The following ME1 variants were observed in gnomAD, a reference collection of about 807,000 sequenced individuals.
The protein encoded by ME1 is NADP-dependent malic enzyme.
ME1 carries 74 observed loss-of-function variants against 66.4 expected under a neutral mutation model. The observed-to-expected ratio is 1.11, with a 90% CI of 0.92 to 1.35. The LOEUF (loss-of-function observed/expected upper bound fraction) is 1.35. ME1 is among the 40% of genes most tolerant of loss of function. ME1 has a pLI of 0.00. For synonymous variants in ME1, 251 were observed against 235.6 expected (o/e 1.07, Z -0.60); for missense variants, 750 against 694.1 (o/e 1.08, Z -0.90).
intron 3 of ME1, among the ~76,000 whole-genome samples, chr6:83,384,410 C>T (rs1334692320): frequency 6.6e-6 from 1 of 151,734 alleles, no homozygotes; most frequent in Non-Finnish European, 1.5e-5. Context: ...ATTTGCACTT[C>T]TCTGATGATT....
chr6:83,418,226 T>C (rs1417706795), intron 1 of ME1, among the ~76,000 whole-genome samples: 1 of 152,184 alleles, frequency 6.6e-6, no homozygotes, highest in Non-Finnish European at 1.5e-5. Flanking sequence ...AGATTTATTA[T>C]GAGAGAAATA....
At chr6:83,402,934 AAT>A (rs1769864587) in intron 2 of ME1, among the ~76,000 whole-genome samples, 1 of 152,250 alleles carries the variant, frequency 6.6e-6, no homozygotes, top group Admixed American at 6.5e-5. Context: ...TTTTGCTATT[AAT>A]ATGTGTGTAT....
At chr6:83,287,846 C>T (rs1017631066) in intron 6 of ME1, among the ~76,000 whole-genome samples, 2 of 152,204 alleles carry the variant, frequency 1.3e-5, no homozygotes, top group Non-Finnish European at 2.9e-5. Context: ...GATTGCCTTT[C>T]TAACTGGAGT....
chr6:83,233,465 T>C (rs1583331141), intron 9 of ME1, among the ~76,000 whole-genome samples: 5 of 152,200 alleles, frequency 3.3e-5, no homozygotes, highest in Admixed American at 3.3e-4. Flanking sequence ...GCATTAACTC[T>C]TTCCACTGCA....
intron 6 of ME1, among the ~76,000 whole-genome samples, chr6:83,284,732 C>G (rs528304778): frequency 6.6e-6 from 1 of 152,078 alleles, no homozygotes; most frequent in Non-Finnish European, 1.5e-5. Flanking sequence ...GACAAACTTA[C>G]AGCCAACATC....
At chr6:83,421,672 TG>T (rs1770271748) in intron 1 of ME1, among the ~76,000 whole-genome samples, 1 of 152,136 alleles carries the variant, frequency 6.6e-6, no homozygotes. Context: ...TGCAATTGAT[TG>T]TGTACAAAGA....
chr6:83,340,711 A>G (rs1167413345), intron 5 of ME1, among the ~76,000 whole-genome samples: 1 of 151,194 alleles, frequency 6.6e-6, no homozygotes, highest in Non-Finnish European at 1.5e-5. Flanking sequence ...TTTGGATATC[A>G]AGGTTATGCT....
At position 83,216,681 on chromosome 6, in the gene ME1, C is replaced by T. The variant is rs1020012510; in HGVS notation, c.1450-85G>A. The T allele has an allele frequency of 6.0e-6, 5 of 835,538 alleles. No homozygotes were observed. In the African/African-American group the frequency reaches 8.6e-5, roughly 14 times the overall value. 51.8% of individuals were successfully genotyped at this position (835,538 alleles called of 1,614,324 possible). ...ACGCCAATAACTAAGTGAACGGTTA[C>T]ATATAATGGTCTATACAAAAACCAG... On this transcript the variant is annotated intron_variant, in intron 12 of 13. Transcript: ENST00000369705.
intron 3 of ME1, among the ~76,000 whole-genome samples, chr6:83,389,309 G>A (rs1769574070): frequency 6.6e-6 from 1 of 151,996 alleles, no homozygotes; most frequent in Non-Finnish European, 1.5e-5. Context: ...GTAATTCTAA[G>A]TTACAATTTC....
At chr6:83,292,085 A>G (rs891531625) in intron 6 of ME1, among the ~76,000 whole-genome samples, 1 of 151,912 alleles carries the variant, frequency 6.6e-6, no homozygotes, top group African/African-American at 2.4e-5. Flanking sequence ...TAGCTCAGAT[A>G]AGTTTGTTAT....
intron 2 of ME1, among the ~76,000 whole-genome samples, chr6:83,399,782 TG>T (rs1450040868): frequency 6.6e-6 from 1 of 152,226 alleles, no homozygotes; most frequent in Non-Finnish European, 1.5e-5. Flanking sequence ...CATTTTGAAT[TG>T]ATTTTCATTC....
intron 6 of ME1, among the ~76,000 whole-genome samples, chr6:83,259,096 A>G (rs573321054): frequency 3.9e-5 from 6 of 152,294 alleles, no homozygotes; most frequent in Admixed American, 3.3e-4. Context: ...TTAACCAAGC[A>G]TGTTTTAATT....
At chr6:83,250,467 T>C (rs1790704005) in intron 7 of ME1, among the ~76,000 whole-genome samples, 1 of 152,200 alleles carries the variant, frequency 6.6e-6, no homozygotes. Flanking sequence ...GACTCTATAG[T>C]CCAAGCTCTT....
intron 6 of ME1, among the ~76,000 whole-genome samples, chr6:83,280,926 A>G (rs543700604): frequency 6.6e-6 from 1 of 152,230 alleles, no homozygotes; most frequent in Non-Finnish European, 1.5e-5. Flanking sequence ...AAAAGGGAGA[A>G]TATTTAATCC....
At chr6:83,243,887 G>GTGTATA (rs1554263351) in intron 7 of ME1, among the ~76,000 whole-genome samples, 15 of 127,576 alleles carry the variant, frequency 1.2e-4, no homozygotes, top group Admixed American at 2.7e-4. Context: ...ATGTGTGTGT[G>GTGTATA]TATATATATA....
intron 6 of ME1, among the ~76,000 whole-genome samples, chr6:83,256,570 G>T (rs571073101): frequency 2.9e-4 from 44 of 152,290 alleles, no homozygotes; most frequent in African/African-American, 1.0e-3. Flanking sequence ...TGGAGAAATA[G>T]GAACGCTTTT....
intron 3 of ME1, among the ~76,000 whole-genome samples, chr6:83,377,834 TC>T (rs1213862537): frequency 2.1e-5 from 3 of 140,044 alleles, no homozygotes; most frequent in Non-Finnish European, 4.8e-5. Context: ...TAGTTTGTGA[TC>T]TTTTTTTTCC....
Position 83,282,008 on chromosome 6 carries a change from CT to C in ME1, c.705-28271del, listed in dbSNP as rs750444096. Among the ~76,000 whole-genome samples, 259 of 149,826 alleles carry C rather than the reference CT, an allele frequency of 1.7e-3. 2 individuals are homozygous for C. The highest frequency in any genetic ancestry group is 3.3e-3 in the Non-Finnish European group (224 of 67,598). ...AGAGCTTCTGGAATTGAAAACCTCA[CT>C]TAAGGAATTTCTAAATAGAATTGAA... On this transcript the variant is annotated intron_variant, in intron 6 of 13. Transcript: ENST00000369705.
At chr6:83,274,630 C>T (rs899452399) in intron 6 of ME1, among the ~76,000 whole-genome samples, 2 of 152,116 alleles carry the variant, frequency 1.3e-5, no homozygotes, top group African/African-American at 4.8e-5. Flanking sequence ...TAAGCATCAA[C>T]ATAAAATACA....
Sources: gnomAD v4.1 joint callset for allele counts (sites outside exome capture counted in the v4.1 genomes callset) on GRCh38, gnomAD v4.1.1 for gene constraint, MANE v1.5 for transcripts, NCBI Gene and HGNC (gene_info 2026-07-23, HGNC 2026-07-21) for gene names.